FBXO9: variants seen among roughly 807,000 people sequenced by gnomAD.
FBXO9 encodes the protein F-box protein 9, also known as F-box only protein 9.
A neutral mutation model predicts 63.7 loss-of-function variants in FBXO9; 43 were observed. The ratio of observed to expected loss-of-function variants is 0.67; its 90% CI spans 0.53 to 0.87. FBXO9 has a LOEUF of 0.87. Ranked by LOEUF, FBXO9 falls within the 40% of genes least tolerant of loss-of-function variation. The probability of loss-of-function intolerance (pLI) is 0.00; values close to 1 mark genes in which losing one functional copy is unlikely to be tolerated. For synonymous variants in FBXO9, 156 were observed against 171.7 expected (o/e 0.91, Z 0.72); for missense variants, 442 against 533.2 (o/e 0.83, Z 1.68).
intron 4 of FBXO9, 32 bp from the exon 5 acceptor site, chr6:53,078,767 C>T (rs1243865076): frequency 6.7e-7 from 1 of 1,500,162 alleles, no homozygotes; most frequent in African/African-American, 1.4e-5. Flanking sequence ...AATGTGTGGT[C>T]ACAGCTAATT....
chr6:53,092,964 C>T, intron 9 of FBXO9, 140 bp downstream of exon 9: 2 of 483,008 alleles, frequency 4.1e-6, no homozygotes, highest in East Asian at 6.5e-5. Flanking sequence ...GTAGGAATTG[C>T]ACTAAAAAAA....
chr6:53,070,085 C>G (rs1372875862), intron 1 of FBXO9, among the ~76,000 whole-genome samples: 2 of 131,260 alleles, frequency 1.5e-5, no homozygotes, highest in African/African-American at 5.8e-5. Flanking sequence ...ATGGTGCAGT[C>G]TCGGCTCACT....
chr6:53,071,378 G>A (rs1397328374), intron 2 of FBXO9, among the ~76,000 whole-genome samples: 2 of 152,248 alleles, frequency 1.3e-5, no homozygotes, highest in Admixed American at 1.3e-4. Context: ...TAAGGCTTAC[G>A]CATGACTCAA....
rs1033822681 is a variant in FBXO9, at chr6:53,098,681, A to G, written c.*851A>G. The G allele has an allele frequency of 9.2e-5, 14 of 152,220 alleles. No homozygotes were observed. The highest frequency in any genetic ancestry group is 3.4e-4 in the African/African-American group (14 of 41,456). 9.4% of individuals were successfully genotyped at this position (152,220 alleles called of 1,614,324 possible). The stretch of plus-strand genomic sequence containing the variant: ...CCTCATGTAGGCACCTTACCAATAT[A>G]TGACATTAAGTGAGAGTGAATCCCT... On this transcript the variant is annotated 3_prime_UTR_variant, in exon 13 of 13. Coordinates refer to ENST00000323557, the MANE Select transcript of FBXO9 (RefSeq NM_033480.3).
At chr6:53,070,710 T>A (rs1163768900) in intron 1 of FBXO9, 1 of 242,180 alleles carries the variant, frequency 4.1e-6, no homozygotes, top group African/African-American at 2.2e-5. Flanking sequence ...TTTGGTGTCC[T>A]GGGGGCTCCT....
chr6:53,093,923 A>G lies in FBXO9; in HGVS notation c.998A>G (p.Gln333Arg). Residue 333 changes from glutamine (Q) to arginine (R), a missense_variant, in exon 11 of 13, where the codon CAA (glutamine) becomes CGA (arginine). By Grantham distance (43) the Gln-to-Arg change is conservative. Coordinates refer to ENST00000323557, the MANE Select transcript of FBXO9 (RefSeq NM_033480.3). ...CTACTGGGTCACTATCGCTTGTCAC[A>G]AGACACAGACAATCAGACCAAAGTA... ...AILLGHYRLS[Q>R]DTDNQTKVFA... is the part of the protein sequence containing the mutation. 1.9e-6 allele frequency: 3 copies of G among 1,555,206 alleles called. No individual in the cohort carries two copies. Among genetic ancestry groups the G allele is most frequent in the Non-Finnish European group, 2.6e-6 (3 of 1,148,844 alleles).
intron 7 of FBXO9, among the ~76,000 whole-genome samples, chr6:53,087,475 A>G (rs879419521): frequency 5.9e-5 from 9 of 152,194 alleles, no homozygotes; most frequent in Non-Finnish European, 8.8e-5. Flanking sequence ...CTAGCCAAGC[A>G]AAAAGATACA....
At chr6:53,088,317 A>G (rs1451034067) in intron 7 of FBXO9, among the ~76,000 whole-genome samples, 2 of 152,194 alleles carry the variant, frequency 1.3e-5, no homozygotes, top group Admixed American at 6.5e-5. Flanking sequence ...AACTTAGACT[A>G]TATATATTCT....
In FBXO9 at chr6:53,099,065, A is replaced by G. The variant is rs1348687778; in HGVS notation, c.*1235A>G. 6.6e-6 allele frequency: 1 copy of G among 152,054 alleles called. No individual in the cohort carries two copies. The highest frequency in any genetic ancestry group is 1.5e-5 in the Non-Finnish European group (1 of 68,024). The allele number at this position is 152,054 out of a possible 1,614,324, so 9.4% of individuals were successfully genotyped here. A position where few individuals can be genotyped will look rare whatever the true frequency, so the allele number is the denominator to read the frequency against. On this transcript the variant is annotated 3_prime_UTR_variant, in exon 13 of 13. Transcript: ENST00000323557. ...ATTAAGAGACACTTCATAGGTTCCC[A>G]CAATTCAGTATGGGATAGGCTTTTT...
At chr6:53,086,387 G>T (rs2744449) in intron 7 of FBXO9, among the ~76,000 whole-genome samples, 1 of 152,194 alleles carries the variant, frequency 6.6e-6, no homozygotes, top group Admixed American at 6.5e-5. Flanking sequence ...CTCAGTTTTC[G>T]TAAGTAACCA....
chr6:53,066,879 G>A (rs1296530610), intron 1 of FBXO9, among the ~76,000 whole-genome samples: 1 of 152,202 alleles, frequency 6.6e-6, no homozygotes, highest in African/African-American at 2.4e-5. Context: ...AGTAGTAGTT[G>A]AATTGACCAA....
intron 11 of FBXO9, 52 bp from the exon 12 acceptor site, chr6:53,095,461 C>A: frequency 2.0e-6 from 3 of 1,498,390 alleles, no homozygotes; most frequent in South Asian, 1.3e-5. Context: ...TTTCTGTAAA[C>A]ATAGAAGTGA....
At chr6:53,080,038 A>C (rs1288787299) in intron 5 of FBXO9, among the ~76,000 whole-genome samples, 2 of 146,290 alleles carry the variant, frequency 1.4e-5, no homozygotes, top group Non-Finnish European at 3.0e-5. Flanking sequence ...AGCCAGTTTT[A>C]TAAATATGTG....
At chr6:53,080,796 A>G (rs1376917293) in intron 5 of FBXO9, among the ~76,000 whole-genome samples, 172 bp from the exon 6 acceptor site, 2 of 152,254 alleles carry the variant, frequency 1.3e-5, no homozygotes, top group African/African-American at 4.8e-5. Flanking sequence ...AACTTGATAC[A>G]GTATTCCTTT....
chr6:53,096,285 G>A (rs1763207696), intron 12 of FBXO9, among the ~76,000 whole-genome samples: 1 of 152,200 alleles, frequency 6.6e-6, no homozygotes, highest in Non-Finnish European at 1.5e-5. Flanking sequence ...AACCAGGGAA[G>A]TGAAATATCA....
At chr6:53,073,253 T>C (rs1035979911) in intron 2 of FBXO9, among the ~76,000 whole-genome samples, 3 of 152,212 alleles carry the variant, frequency 2.0e-5, no homozygotes, top group African/African-American at 7.2e-5. Flanking sequence ...ACTTTTGGTG[T>C]ACTGACATGT....
At chr6:53,084,936 G>A (rs1235323991) in intron 7 of FBXO9, among the ~76,000 whole-genome samples, 4 of 152,128 alleles carry the variant, frequency 2.6e-5, no homozygotes, top group East Asian at 1.9e-4. Context: ...TTTTACTCAC[G>A]ATAAGGCTGA....
chr6:53,071,939 G>C (rs1768931046), intron 2 of FBXO9, among the ~76,000 whole-genome samples: 1 of 152,168 alleles, frequency 6.6e-6, no homozygotes, highest in African/African-American at 2.4e-5. Flanking sequence ...ATTAAGTAAT[G>C]ATGCATCCAT....
rs368629089 is a variant in FBXO9 at position 53,074,043 on chromosome 6, A to C, written c.249+404A>C. On this transcript the variant is annotated intron_variant, in intron 3 of 12. Transcript: ENST00000323557. The stretch of plus-strand genomic sequence containing the variant: ...TGTTAATGTCTTTCCAGAGGTCTTA[A>C]TTTCATGCAGTATTTTGTTATATTT... Among the ~76,000 whole-genome samples the C allele has an allele frequency of 1.7e-3, 266 of 152,342 alleles. 1 individual carries two copies. The highest frequency in any genetic ancestry group is 6.1e-3 in the African/African-American group (255 of 41,582).
Sources: gnomAD v4.1 joint callset for allele counts (sites outside exome capture counted in the v4.1 genomes callset) on GRCh38, gnomAD v4.1.1 for gene constraint, MANE v1.5 for transcripts, NCBI Gene and HGNC (gene_info 2026-07-23, HGNC 2026-07-21) for gene names.